Variants in LMX1A observed in about 807,000 individuals in gnomAD.
LMX1A encodes the protein LIM homeobox transcription factor 1-alpha.
In LMX1A, 15 loss-of-function variants were observed where a neutral mutation model predicts 49.1. That is an observed-to-expected ratio of 0.31 (90% confidence interval 0.20 to 0.47). LMX1A has a LOEUF of 0.47. Ranked by LOEUF, LMX1A falls within the 20% of genes least tolerant of loss-of-function variation. The pLI is 1.00. For synonymous variants in LMX1A, 167 were observed against 185.7 expected, an observed-to-expected ratio of 0.90 and a Z score of 0.82; for missense variants, 372 against 475.8, an observed-to-expected ratio of 0.78 and a Z score of 2.03.
chr1:165,342,546 G>A (rs996830040), intron 3 of LMX1A, among the ~76,000 whole-genome samples: 2 of 152,074 alleles, frequency 1.3e-5, no homozygotes, highest in Non-Finnish European at 2.9e-5. Flanking sequence ...AGGGGCAATA[G>A]AGATCAATGG....
At chr1:165,292,253 A>G (rs1169434894) in intron 3 of LMX1A, among the ~76,000 whole-genome samples, 1 of 152,084 alleles carries the variant, frequency 6.6e-6, no homozygotes, top group African/African-American at 2.4e-5. Context: ...TTTTTTAACA[A>G]GTGGATCAAA....
chr1:165,236,430 C>A (rs1652446379), intron 4 of LMX1A, among the ~76,000 whole-genome samples: 2 of 151,944 alleles, frequency 1.3e-5, no homozygotes, highest in Non-Finnish European at 2.9e-5. Flanking sequence ...CAGATTCTTG[C>A]CATATCTAGA....
At chr1:165,205,753 T>C in intron 8 of LMX1A, 111 bp downstream of exon 8, 3 of 1,017,766 alleles carry the variant, frequency 2.9e-6, no homozygotes, top group South Asian at 1.6e-5. Flanking sequence ...GGGCACATTA[T>C]TCTGCTTTGG....
intron 3 of LMX1A, among the ~76,000 whole-genome samples, chr1:165,308,873 C>T (rs1028966093): frequency 6.6e-6 from 1 of 152,168 alleles, no homozygotes; most frequent in Non-Finnish European, 1.5e-5. Context: ...GTGATCTGCT[C>T]ATCTTGAAAG....
Position 165,348,403 on chromosome 1 carries a change from T to A in LMX1A, c.263+4673A>T, listed in dbSNP as rs1312498917. Among the ~76,000 whole-genome samples, 3 of 152,112 alleles carry A rather than the reference T, an allele frequency of 2.0e-5. No homozygotes were observed. In the East Asian group the frequency reaches 5.8e-4, roughly 29 times the overall value. On this transcript the variant is annotated intron_variant, in intron 3 of 8. Coordinates refer to ENST00000342310, the MANE Select transcript of LMX1A (RefSeq NM_177398.4). ...ACCTCTGAGCAAAGAATGTTTCCAA[T>A]CACCCTCCAAAATTAAAAAGAGAGA...
At chr1:165,242,929 C>CAAAAAAAAAAAA (rs35937155) in intron 4 of LMX1A, among the ~76,000 whole-genome samples, 6 of 115,150 alleles carry the variant, frequency 5.2e-5, no homozygotes, top group Non-Finnish European at 8.8e-5. Flanking sequence ...AACTCCACCT[C>CAAAAAAAAAAAA]AAAAAAAAAA....
intron 4 of LMX1A, among the ~76,000 whole-genome samples, chr1:165,232,047 C>T (rs990625111): frequency 7.9e-5 from 12 of 152,156 alleles, no homozygotes; most frequent in Admixed American, 6.5e-4. Flanking sequence ...CAAGGATGTG[C>T]CATGGTGCTT....
At position 165,335,058 on chromosome 1, in the gene LMX1A, T is replaced by A. The variant is rs182808995; in HGVS notation, c.263+18018A>T. Among the ~76,000 whole-genome samples, 8 of 152,318 alleles carry A rather than the reference T, an allele frequency of 5.3e-5. No individual in the cohort carries two copies. In the East Asian group the frequency reaches 1.5e-3, roughly 29 times the overall value. On this transcript the variant is annotated intron_variant, in intron 3 of 8. Coordinates refer to ENST00000342310, the MANE Select transcript of LMX1A (RefSeq NM_177398.4). ...TAAGAGGTTTACTGTGTGTTCAAAT[T>A]TGAAAGAAAATATTTCTATGTAAAT...
At chr1:165,286,791 A>G (rs1377244126) in intron 3 of LMX1A, among the ~76,000 whole-genome samples, 2 of 292 alleles carry the variant, frequency 6.8e-3, no homozygotes, top group East Asian at 0.33. Flanking sequence ...TCTGAAAACA[A>G]GCCCTTTCCA....
intron 4 of LMX1A, among the ~76,000 whole-genome samples, chr1:165,245,828 T>C (rs1362031806): frequency 1.3e-5 from 2 of 152,086 alleles, no homozygotes; most frequent in African/African-American, 4.8e-5. Context: ...TTGCTGTCTT[T>C]GCGCGGTTCT....
chr1:165,308,860 G>A (rs997137704), intron 3 of LMX1A, among the ~76,000 whole-genome samples: 4 of 152,152 alleles, frequency 2.6e-5, no homozygotes, highest in African/African-American at 7.2e-5. Flanking sequence ...GTCATCTGGA[G>A]GGGTGATCTG....
intron 3 of LMX1A, among the ~76,000 whole-genome samples, chr1:165,312,309 T>C (rs1295045034): frequency 6.6e-6 from 1 of 152,242 alleles, no homozygotes; most frequent in East Asian, 1.9e-4. Context: ...TAAGTCCAGC[T>C]CTGCCCCTAT....
chr1:165,216,639 T>A (rs1651653398), intron 4 of LMX1A, among the ~76,000 whole-genome samples: 1 of 151,762 alleles, frequency 6.6e-6, no homozygotes, highest in Non-Finnish European at 1.5e-5. Flanking sequence ...CATACCAGTC[T>A]GTTCAATAAA....
At chr1:165,309,779 C>G (rs1571215304) in intron 3 of LMX1A, among the ~76,000 whole-genome samples, 1 of 152,204 alleles carries the variant, frequency 6.6e-6, no homozygotes, top group Non-Finnish European at 1.5e-5. Context: ...CTGGTCTTGA[C>G]AAGCCAAATC....
intron 3 of LMX1A, among the ~76,000 whole-genome samples, chr1:165,342,443 C>A (rs1656104148): frequency 1.3e-5 from 2 of 152,086 alleles, no homozygotes; most frequent in South Asian, 4.1e-4. Flanking sequence ...CAATAGCAAA[C>A]CCTGGGAGCT....
At chr1:165,308,020 G>A (rs997191477) in intron 3 of LMX1A, among the ~76,000 whole-genome samples, 7 of 152,194 alleles carry the variant, frequency 4.6e-5, no homozygotes, top group Admixed American at 2.0e-4. Flanking sequence ...CCAGAGAAGG[G>A]CTTCTGGAAC....
At chr1:165,207,855 A>G (rs1409669670) in intron 7 of LMX1A, among the ~76,000 whole-genome samples, 1 of 152,198 alleles carries the variant, frequency 6.6e-6, no homozygotes, top group Admixed American at 6.5e-5. Flanking sequence ...CCCAATCAGC[A>G]GTTCTAAGCC....
At chr1:165,237,398 G>A (rs1362912377) in intron 4 of LMX1A, among the ~76,000 whole-genome samples, 1 of 151,984 alleles carries the variant, frequency 6.6e-6, no homozygotes, top group African/African-American at 2.4e-5. Context: ...TAATTTTTTT[G>A]TATTTTTTAG....
intron 4 of LMX1A, among the ~76,000 whole-genome samples, chr1:165,225,129 T>A (rs2102615530): frequency 6.6e-6 from 1 of 152,324 alleles, no homozygotes; most frequent in East Asian, 1.9e-4. Flanking sequence ...AGTCCTCATG[T>A]GACTGCAACA....
Sources: allele counts gnomAD v4.1 joint callset (sites outside exome capture counted in the v4.1 genomes callset), GRCh38; gene constraint gnomAD v4.1.1; transcripts MANE v1.5; gene names NCBI Gene and HGNC (gene_info 2026-07-23, HGNC 2026-07-21).